SV2C: variants seen among roughly 807,000 people sequenced by gnomAD.
The protein encoded by SV2C is solute carrier family 22 member B3.
SV2C carries 49 observed loss-of-function variants against 79.7 expected under a neutral mutation model. The observed-to-expected ratio is 0.61, with a 90% CI of 0.49 to 0.78. The LOEUF is 0.78. Among genes scored for constraint, SV2C ranks in the 30% least tolerant of loss-of-function variants. The probability of loss-of-function intolerance (pLI) is 0.00; values close to 1 mark genes in which losing one functional copy is unlikely to be tolerated. For synonymous variants in SV2C, 334 were observed against 333.2 expected, an observed-to-expected ratio of 1.00 and a Z score of -0.03; for missense variants, 833 against 912.9, an observed-to-expected ratio of 0.91 and a Z score of 1.13.
the SV2C span, chr5:75,920,920 G>A: frequency 9.8e-5 from 72 of 735,774 alleles, no homozygotes; most frequent in Middle Eastern, 1.6e-3. Context: ...CCCTGGTCTC[G>A]TGGATCCTGG....
chr5:76,219,832 A>C (rs1431831405), intron 4 of SV2C, among the ~76,000 whole-genome samples: 1 of 152,200 alleles, frequency 6.6e-6, no homozygotes, highest in Non-Finnish European at 1.5e-5. Flanking sequence ...GAATTAAGCC[A>C]ATTATTGTGG....
chr5:76,045,803 C>A, the SV2C span, among the ~76,000 whole-genome samples: 1 of 152,146 alleles, frequency 6.6e-6, no homozygotes, highest in Non-Finnish European at 1.5e-5. Flanking sequence ...TGCAAGGCCT[C>A]CTTATTCTGT....
At chr5:75,877,950 A>C in the SV2C span, among the ~76,000 whole-genome samples, 2 of 151,068 alleles carry the variant, frequency 1.3e-5, no homozygotes, top group Non-Finnish European at 2.9e-5. Flanking sequence ...GAAAAAAAAA[A>C]AAAACAAGTT....
chr5:76,154,061 A>G (rs551705813), intron 2 of SV2C, among the ~76,000 whole-genome samples: 3 of 152,294 alleles, frequency 2.0e-5, no homozygotes, highest in South Asian at 4.1e-4. Context: ...TGGACCACAG[A>G]GTCTGTTACC....
intron 2 of SV2C, among the ~76,000 whole-genome samples, chr5:76,175,028 AC>A (rs1447964567): frequency 3.3e-5 from 5 of 152,182 alleles, no homozygotes; most frequent in Non-Finnish European, 7.3e-5. Context: ...GAAATCTCAG[AC>A]CCCTCACAGT....
intron 4 of SV2C, chr5:76,281,295 AACTTAATGG>A (rs1747186789): frequency 2.1e-6 from 1 of 477,966 alleles, no homozygotes; most frequent in Non-Finnish European, 4.1e-6. Context: ...CATAGACTAG[AACTTAATGG>A]AACGATTCTA....
the SV2C span, among the ~76,000 whole-genome samples, chr5:76,006,933 G>A: frequency 3.3e-5 from 5 of 152,140 alleles, no homozygotes; most frequent in African/African-American, 4.8e-5. Flanking sequence ...CCTGGACTTC[G>A]TCATCATCAA....
At chr5:75,898,947 A>G in the SV2C span, among the ~76,000 whole-genome samples, 1 of 151,378 alleles carries the variant, frequency 6.6e-6, no homozygotes, top group East Asian at 1.9e-4. Flanking sequence ...CATCTTTTTG[A>G]TTCTTCTTTC....
intron 4 of SV2C, among the ~76,000 whole-genome samples, chr5:76,270,107 C>A (rs1746794405): frequency 6.6e-6 from 1 of 152,170 alleles, no homozygotes; most frequent in Non-Finnish European, 1.5e-5. Context: ...CCTGCAGGGT[C>A]ATAAATCTGG....
chr5:75,920,578 T>A, the SV2C span: 1 of 517,746 alleles, frequency 1.9e-6, no homozygotes, highest in Non-Finnish European at 3.4e-6. Context: ...GATTGGATCC[T>A]CTGATAGTGC....
chr5:75,866,536 A>G, the SV2C span, among the ~76,000 whole-genome samples: 1 of 152,214 alleles, frequency 6.6e-6, no homozygotes, highest in African/African-American at 2.4e-5. Context: ...TAGAACTGAA[A>G]TTTGGGTCTA....
intron 2 of SV2C, among the ~76,000 whole-genome samples, chr5:76,194,049 G>C (rs1251393172): frequency 1.3e-5 from 2 of 152,168 alleles, no homozygotes; most frequent in Non-Finnish European, 2.9e-5. Context: ...TCTGTAGTCA[G>C]ATAATTCAGG....
chr5:76,131,708 G>A lies in SV2C; in HGVS notation c.-43G>A. 6.5e-7 allele frequency: 1 copy of A among 1,532,588 alleles called. No individual in the cohort carries two copies. The highest frequency in any genetic ancestry group is 8.8e-7 in the Non-Finnish European group (1 of 1,133,484). The allele number at this position is 1,532,588 out of a possible 1,614,324, so 94.9% of individuals were successfully genotyped here. A position where few individuals can be genotyped will look rare whatever the true frequency, so the allele number is the denominator to read the frequency against. ...AGAGCTGAACCACTGAAAGGAGGCTGTGAAAATTTCCCATCTTCTCATTGG... is the reference window on the plus strand; with the variant it reads ...AGAGCTGAACCACTGAAAGGAGGCTATGAAAATTTCCCATCTTCTCATTGG... On this transcript the variant is annotated 5_prime_UTR_variant, in exon 2 of 13. The change creates a new upstream start codon in the 5' untranslated region. Transcript: ENST00000502798.
chr5:76,041,149 C>G, the SV2C span, among the ~76,000 whole-genome samples: 25 of 152,260 alleles, frequency 1.6e-4, no homozygotes, highest in East Asian at 4.6e-3. Flanking sequence ...CAAATAGAAG[C>G]CCACATTCTG....
the SV2C span, among the ~76,000 whole-genome samples, chr5:76,029,227 G>T: frequency 6.6e-6 from 1 of 152,068 alleles, no homozygotes; most frequent in Non-Finnish European, 1.5e-5. Context: ...TTATTTTTCT[G>T]GTGAGAACAC....
At chr5:76,186,795 A>AGGAG (rs950201832) in intron 2 of SV2C, among the ~76,000 whole-genome samples, 1 of 51,896 alleles carries the variant, frequency 1.9e-5, no homozygotes, top group African/African-American at 1.4e-4. Context: ...ACAGGACAGC[A>AGGAG]GGAGAATGAG....
chr5:75,950,438 A>C, the SV2C span, among the ~76,000 whole-genome samples: 3 of 152,052 alleles, frequency 2.0e-5, no homozygotes, highest in African/African-American at 7.2e-5. Context: ...GATGAATATT[A>C]CAAAGTAATA....
chr5:75,852,589 C>T, the SV2C span, among the ~76,000 whole-genome samples: 1 of 152,202 alleles, frequency 6.6e-6, no homozygotes, highest in East Asian at 1.9e-4. Context: ...AAAATGAAGA[C>T]ATTTTCAGAA....
At chr5:76,264,947 G>A (rs6883456) in intron 4 of SV2C, among the ~76,000 whole-genome samples, 57,728 of 152,108 alleles carry the variant, frequency 0.38, 11,738 homozygotes, top group African/African-American at 0.52. Context: ...TCTGTCCCTT[G>A]GTAGAGCTTG....
Sources: allele counts gnomAD v4.1 joint callset (sites outside exome capture counted in the v4.1 genomes callset), GRCh38; gene constraint gnomAD v4.1.1; transcripts MANE v1.5; gene names NCBI Gene and HGNC (gene_info 2026-07-23, HGNC 2026-07-21).